The following MINDY4 variants were observed in gnomAD, a reference collection of about 807,000 sequenced individuals.
MINDY4 encodes MINDY lysine 48 deubiquitinase 4, also known as probable ubiquitin carboxyl-terminal hydrolase MINDY-4.
In MINDY4, 68 loss-of-function variants were observed where a neutral mutation model predicts 87.0. That is an observed-to-expected ratio of 0.78 (90% CI 0.64 to 0.96). MINDY4 has a LOEUF of 0.96. Ranked by LOEUF, MINDY4 falls within the 40% of genes least tolerant of loss-of-function variation. The probability of loss-of-function intolerance (pLI) is 0.00; values close to 1 mark genes in which losing one functional copy is unlikely to be tolerated. For synonymous variants in MINDY4, 379 were observed against 363.2 expected (o/e 1.04, Z -0.50); for missense variants, 919 against 928.2 (o/e 0.99, Z 0.13).
intron 9 of MINDY4, among the ~76,000 whole-genome samples, chr7:30,850,049 A>T (rs966961806): frequency 2.6e-5 from 4 of 152,202 alleles, no homozygotes; most frequent in Non-Finnish European, 4.4e-5. Flanking sequence ...GGAGGTGGGC[A>T]TGGCCAGGGC....
rs567286404 is a variant in MINDY4, at chr7:30,892,078, G to T, written c.*73G>T. 2.6e-6 allele frequency: 4 copies of T among 1,541,968 alleles called. No homozygotes were observed. Among genetic ancestry groups the T allele is most frequent in the Middle Eastern group, 1.7e-4 (1 of 5,940 alleles). On this transcript the variant is annotated 3_prime_UTR_variant, in exon 18 of 18. Coordinates refer to ENST00000265299, the MANE Select transcript of MINDY4 (RefSeq NM_032222.3). ...ACCGAGGATGACAGCTGAACCCCAA[G>T]CCTCTGGGGCAGGTCTCATGTACCC...
At chr7:30,875,735 G>A in intron 15 of MINDY4, 79 bp downstream of exon 15, 3 of 1,469,542 alleles carry the variant, frequency 2.0e-6, no homozygotes, top group Non-Finnish European at 2.8e-6. Flanking sequence ...GGGAAGGAAA[G>A]CTGGACTCCA....
chr7:30,848,355 G>A (rs148784539), intron 9 of MINDY4, among the ~76,000 whole-genome samples: 118 of 152,346 alleles, frequency 7.7e-4, no homozygotes, highest in African/African-American at 2.8e-3. Context: ...GGCTGTAACA[G>A]CTGAACTGAG....
At chr7:30,794,342 G>C (rs772790163) in intron 5 of MINDY4, among the ~76,000 whole-genome samples, 1 of 152,120 alleles carries the variant, frequency 6.6e-6, no homozygotes. Flanking sequence ...CTTCTAAAGC[G>C]TGGGAAAGTG....
chr7:30,890,477 A>G (rs1188728409), intron 17 of MINDY4, among the ~76,000 whole-genome samples: 1 of 152,252 alleles, frequency 6.6e-6, no homozygotes, highest in Non-Finnish European at 1.5e-5. Context: ...AGCAAGAAGC[A>G]CAAAATTGCC....
intron 8 of MINDY4, among the ~76,000 whole-genome samples, chr7:30,840,291 A>G (rs1034288544): frequency 2.6e-5 from 4 of 152,220 alleles, no homozygotes; most frequent in Non-Finnish European, 5.9e-5. Context: ...CAAGTGGGGC[A>G]GAAGAGAGCG....
intron 4 of MINDY4, among the ~76,000 whole-genome samples, 170 bp from the exon 5 acceptor site, chr7:30,790,995 C>T (rs1320446936): frequency 6.6e-6 from 1 of 152,160 alleles, no homozygotes; most frequent in Admixed American, 6.5e-5. Flanking sequence ...GAGGTGGGAG[C>T]ATTTGAGTAG....
At chr7:30,863,962 G>A (rs1789851473) in intron 13 of MINDY4, among the ~76,000 whole-genome samples, 1 of 152,222 alleles carries the variant, frequency 6.6e-6, no homozygotes, top group African/African-American at 2.4e-5. Flanking sequence ...CCTGGGGTCA[G>A]GACCAGCTCT....
intron 3 of MINDY4, 101 bp downstream of exon 3, chr7:30,782,313 G>C: frequency 1.2e-6 from 1 of 846,236 alleles, no homozygotes; most frequent in Non-Finnish European, 1.8e-6. Context: ...CAGAGGAACA[G>C]AATCAATATA....
intron 5 of MINDY4, among the ~76,000 whole-genome samples, chr7:30,802,617 T>G (rs546146386): frequency 6.6e-6 from 1 of 152,326 alleles, no homozygotes; most frequent in East Asian, 1.9e-4. Context: ...GGGAAAGTTA[T>G]GCTAATCTGT....
intron 17 of MINDY4, among the ~76,000 whole-genome samples, chr7:30,889,504 CGAG>C (rs777742622): frequency 6.6e-6 from 1 of 152,176 alleles, no homozygotes; most frequent in Non-Finnish European, 1.5e-5. Context: ...CACTCACTGC[CGAG>C]GAGAAGTCTG....
At chr7:30,874,398 G>A (rs1790198950) in intron 14 of MINDY4, among the ~76,000 whole-genome samples, 1 of 152,248 alleles carries the variant, frequency 6.6e-6, no homozygotes, top group African/African-American at 2.4e-5. Flanking sequence ...CTAATGGGCT[G>A]TGTGGCTTGA....
chr7:30,886,569 G>C (rs1033547313), intron 17 of MINDY4, among the ~76,000 whole-genome samples: 4 of 152,208 alleles, frequency 2.6e-5, no homozygotes, highest in Non-Finnish European at 2.9e-5. Context: ...GCCACACTTT[G>C]AGTCACAAGC....
At chr7:30,791,988 A>G (rs1196860288) in intron 5 of MINDY4, among the ~76,000 whole-genome samples, 1 of 152,198 alleles carries the variant, frequency 6.6e-6, no homozygotes, top group East Asian at 1.9e-4. Flanking sequence ...CGGGTTGGAC[A>G]AGCTTGCTTT....
chr7:30,881,414 T>G (rs563248781), intron 15 of MINDY4, among the ~76,000 whole-genome samples: 1 of 152,220 alleles, frequency 6.6e-6, no homozygotes, highest in Non-Finnish European at 1.5e-5. Context: ...AGTGCCCTGC[T>G]GCACCCTGAA....
intron 4 of MINDY4, among the ~76,000 whole-genome samples, chr7:30,790,435 C>T (rs987330233): frequency 2.0e-5 from 3 of 149,652 alleles, no homozygotes; most frequent in South Asian, 4.3e-4. Context: ...CTTTCATTTT[C>T]AGAGGTTTTG....
chr7:30,782,686 G>A (rs1038935719), intron 3 of MINDY4, among the ~76,000 whole-genome samples: 3 of 151,998 alleles, frequency 2.0e-5, no homozygotes, highest in African/African-American at 7.3e-5. Flanking sequence ...TTGGGAGATG[G>A]AGTGAGACCC....
intron 8 of MINDY4, among the ~76,000 whole-genome samples, chr7:30,840,097 A>G (rs879278364): frequency 2.6e-5 from 4 of 152,116 alleles, no homozygotes; most frequent in Admixed American, 6.5e-5. Context: ...CGTTCAGACA[A>G]TCCTTAAACC....
In MINDY4 at chr7:30,875,555, G is replaced by A; in HGVS notation, c.1870G>A (p.Glu624Lys). Residue 624 changes from glutamate to lysine, a missense_variant, in exon 15 of 18, where the codon GAG (glutamate) becomes AAG (lysine). Glu to Lys is a moderately conservative substitution (Grantham distance 56). Transcript: ENST00000265299. ...AVSNVFNDVV[E>K]LDSGDGNITL... ...GTCCAACGTTTTCAACGATGTGGTT[G>A]AGCTGGATTCTGGGGATGGGAACAT... The A allele has an allele frequency of 1.2e-6, 2 of 1,614,226 alleles. No homozygotes were observed. Among genetic ancestry groups the A allele is most frequent in the Non-Finnish European group, 1.7e-6 (2 of 1,180,042 alleles).
Sources: allele counts gnomAD v4.1 joint callset (sites outside exome capture counted in the v4.1 genomes callset), GRCh38; gene constraint gnomAD v4.1.1; transcripts MANE v1.5; gene names NCBI Gene and HGNC (gene_info 2026-07-23, HGNC 2026-07-21).